NMS: variants seen among roughly 807,000 people sequenced by gnomAD.
NMS encodes neuromedin S.
Under a neutral mutation model 32.2 loss-of-function variants are expected in NMS, and 30 were observed. The ratio of observed to expected loss-of-function variants is 0.93; its 90% CI spans 0.70 to 1.26. NMS has a LOEUF of 1.26. Ranked by LOEUF, NMS falls within the 50% of genes most tolerant of loss-of-function variation. The pLI is 0.00. For synonymous variants in NMS, 76 were observed against 58.5 expected, an observed-to-expected ratio of 1.30 and a Z score of -1.37; for missense variants, 190 against 186.3, an observed-to-expected ratio of 1.02 and a Z score of -0.12.
chr2:100,473,770 A>G (rs1677050563), intron 3 of NMS, among the ~76,000 whole-genome samples: 1 of 152,052 alleles, frequency 6.6e-6, no homozygotes, highest in Admixed American at 6.6e-5. Context: ...TATTCTTACA[A>G]TTATTATAAT....
At chr2:100,476,043 G>A (rs1425742473) in intron 3 of NMS, among the ~76,000 whole-genome samples, 1 of 149,614 alleles carries the variant, frequency 6.7e-6, no homozygotes, top group African/African-American at 2.5e-5. Flanking sequence ...AGTAAAGTAA[G>A]GGGCATATGA....
chr2:100,471,897 T>C (rs1420497980), intron 1 of NMS, among the ~76,000 whole-genome samples: 1 of 152,208 alleles, frequency 6.6e-6, no homozygotes, highest in Non-Finnish European at 1.5e-5. Context: ...AACATATACT[T>C]CCTAATTTTC....
At chr2:100,475,994 A>C (rs1677102553) in intron 3 of NMS, among the ~76,000 whole-genome samples, 1 of 149,782 alleles carries the variant, frequency 6.7e-6, no homozygotes, top group Admixed American at 6.7e-5. Context: ...GCGAGACCCT[A>C]TCTCCAAAAA....
intron 7 of NMS, 34 bp from the exon 8 acceptor site, chr2:100,481,092 G>T (rs368647581): frequency 1.3e-4 from 214 of 1,610,204 alleles, no homozygotes; most frequent in Non-Finnish European, 1.8e-4. Context: ...ATGCAATATG[G>T]TTGCATAATG....
rs1558666101 is a variant in NMS at position 100,470,483 on chromosome 2, C to G, written c.-6C>G. 1.2e-6 allele frequency: 2 copies of G among 1,612,898 alleles called. No individual in the cohort carries two copies. Among genetic ancestry groups the G allele is most frequent in the South Asian group, 2.2e-5 (2 of 91,072 alleles). On this transcript the variant is annotated 5_prime_UTR_variant, in exon 1 of 10. Coordinates refer to ENST00000376865, the MANE Select transcript of NMS (RefSeq NM_001011717.1). Reference sequence around the variant, plus strand: ...GTGGCCAGCAAGGAGAAACCAGACTCTCACAATGAAACATCTTCGTCCCCA... The same window carrying G: ...GTGGCCAGCAAGGAGAAACCAGACTGTCACAATGAAACATCTTCGTCCCCA...
chr2:100,479,973 G>C (rs1453986770), intron 6 of NMS, among the ~76,000 whole-genome samples: 1 of 152,160 alleles, frequency 6.6e-6, no homozygotes, highest in African/African-American at 2.4e-5. Flanking sequence ...CAGGTAGAGT[G>C]ACCAGCTATC....
At chr2:100,476,795 C>G (rs188440873) in intron 3 of NMS, among the ~76,000 whole-genome samples, 22 of 152,268 alleles carry the variant, frequency 1.4e-4, no homozygotes. Context: ...GAAAATTGGA[C>G]TTTCTGCAAG....
At chr2:100,477,047 C>A (rs1162846119) in intron 3 of NMS, among the ~76,000 whole-genome samples, 197 bp from the exon 4 acceptor site, 1 of 152,074 alleles carries the variant, frequency 6.6e-6, no homozygotes, top group Non-Finnish European at 1.5e-5. Context: ...GTATTGCTGG[C>A]AATTTTCCTT....
Position 100,473,472 on chromosome 2 carries a change from T to C in NMS, c.133-17T>C. 5.4e-6 allele frequency: 8 copies of C among 1,475,284 alleles called. No homozygotes were observed. Among genetic ancestry groups the C allele is most frequent in the Admixed American group, 2.0e-5 (1 of 50,794 alleles). The allele number at this position is 1,475,284 out of a possible 1,614,324, so 91.4% of individuals were successfully genotyped here. On this transcript the variant is annotated splice_polypyrimidine_tract_variant and intron_variant, in intron 2 of 9. Coordinates refer to ENST00000376865, the MANE Select transcript of NMS (RefSeq NM_001011717.1). ...CCCCTCATCCCTTTGATTTGTTTTC[T>C]TCATTTTATTTTTTAGCAGCTGGCA...
chr2:100,474,479 C>T (rs918112778), intron 3 of NMS, among the ~76,000 whole-genome samples: 1 of 152,216 alleles, frequency 6.6e-6, no homozygotes, highest in Admixed American at 6.5e-5. Context: ...TCACAGGCTG[C>T]AGTTAACAAT....
intron 5 of NMS, among the ~76,000 whole-genome samples, chr2:100,478,851 T>G (rs1573236870): frequency 6.6e-6 from 1 of 152,212 alleles, no homozygotes; most frequent in East Asian, 1.9e-4. Flanking sequence ...AATCAAATTT[T>G]ACTCTAAACC....
At chr2:100,472,379 G>A (rs1471901982) in intron 1 of NMS, among the ~76,000 whole-genome samples, 1 of 152,188 alleles carries the variant, frequency 6.6e-6, no homozygotes, top group Non-Finnish European at 1.5e-5. Context: ...GTATCCATGT[G>A]TCTTCAAAGT....
chr2:100,478,422 A>C (rs1405370517), intron 5 of NMS, among the ~76,000 whole-genome samples: 1 of 152,204 alleles, frequency 6.6e-6, no homozygotes, highest in African/African-American at 2.4e-5. Flanking sequence ...AATCAGTATT[A>C]TAGATGTAGG....
rs749862321 is a variant in NMS, at chr2:100,481,189, T to A, written c.414+22T>A. ...CAGGGTATAGCATGTTTTCTCACCT[T>A]TGCTTTCTAACCTCGATTCACTGCA... On this transcript the variant is annotated intron_variant, in intron 8 of 9. Coordinates refer to ENST00000376865, the MANE Select transcript of NMS (RefSeq NM_001011717.1). 1.7e-5 allele frequency: 28 copies of A among 1,613,016 alleles called. No individual in the cohort carries two copies. In the Admixed American group the frequency reaches 4.3e-4, roughly 25 times the overall value.
chr2:100,470,742 T>C (rs1419448408), intron 1 of NMS, among the ~76,000 whole-genome samples, 178 bp downstream of exon 1: 1 of 152,220 alleles, frequency 6.6e-6, no homozygotes, highest in Non-Finnish European at 1.5e-5. Context: ...AGCGAGATGC[T>C]GCAGCCTTTT....
chr2:100,481,122 G>T lies in NMS; in HGVS notation c.373-4G>T, dbSNP rs746337222. 1.2e-6 allele frequency: 2 copies of T among 1,614,020 alleles called. No individual in the cohort carries two copies. The highest frequency in any genetic ancestry group is 2.2e-5 in the East Asian group (1 of 44,874). On this transcript the variant is annotated splice_polypyrimidine_tract_variant and splice_region_variant and intron_variant, in intron 7 of 9. Coordinates refer to ENST00000376865, the MANE Select transcript of NMS (RefSeq NM_001011717.1). ...ATAATGGCTTGTGTTTCTATATGTT[G>T]CAGGATCACACTGCGACCTGGGGAC... is the stretch of plus-strand genomic sequence containing the variant.
intron 3 of NMS, among the ~76,000 whole-genome samples, chr2:100,473,898 T>C (rs1213317926): frequency 1.3e-5 from 2 of 152,102 alleles, no homozygotes; most frequent in South Asian, 2.1e-4. Flanking sequence ...CAGTAACTAG[T>C]TGGGCCTGGT....
chr2:100,481,421 C>G (rs909023677), intron 8 of NMS, among the ~76,000 whole-genome samples: 3 of 152,098 alleles, frequency 2.0e-5, no homozygotes, highest in Non-Finnish European at 2.9e-5. Context: ...CAGACAGACA[C>G]AAGGTAGACC....
intron 1 of NMS, 116 bp downstream of exon 1, chr2:100,470,680 C>T: frequency 3.6e-6 from 3 of 823,212 alleles, no homozygotes; most frequent in Middle Eastern, 2.2e-4. Context: ...CCCGCCAGAC[C>T]TTCTTGATTT....
Sources: allele counts gnomAD v4.1 joint callset (sites outside exome capture counted in the v4.1 genomes callset), GRCh38; gene constraint gnomAD v4.1.1; transcripts MANE v1.5; gene names NCBI Gene and HGNC (gene_info 2026-07-23, HGNC 2026-07-21).